The following GHR variants were observed in gnomAD, a reference collection of about 807,000 sequenced individuals.
The protein encoded by GHR is growth hormone receptor, also known as GH receptor.
In GHR, 35 loss-of-function variants were observed where a neutral mutation model predicts 67.1. The observed-to-expected ratio is 0.52, with a 90% CI of 0.40 to 0.69. The LOEUF (loss-of-function observed/expected upper bound fraction) is 0.69, where lower values mean the gene tolerates loss of function less well. Ranked by LOEUF, GHR falls within the 30% of genes least tolerant of loss-of-function variation. The pLI, the probability that GHR is intolerant of heterozygous loss-of-function variation, is 0.00. For missense variants in GHR, 792 were observed against 764.6 expected (o/e 1.04, Z -0.42); for synonymous variants, 272 against 269.1 (o/e 1.01, Z -0.10).
At chr5:42,474,233 G>A (rs1387903513) in intron 1 of GHR, among the ~76,000 whole-genome samples, 5 of 131,450 alleles carry the variant, frequency 3.8e-5, no homozygotes, top group African/African-American at 1.5e-4. Context: ...GAAAGAAAAA[G>A]AAAGAAAGAG....
At chr5:42,687,863 G>T (rs998218872) in intron 3 of GHR, among the ~76,000 whole-genome samples, 1 of 152,128 alleles carries the variant, frequency 6.6e-6, no homozygotes, top group South Asian at 2.1e-4. Flanking sequence ...AAAAAGAAGA[G>T]AAATTTGAAA....
At chr5:42,577,960 C>A (rs1048139115) in intron 2 of GHR, among the ~76,000 whole-genome samples, 28 of 152,132 alleles carry the variant, frequency 1.8e-4, no homozygotes, top group African/African-American at 6.8e-4. Flanking sequence ...ATACGATATA[C>A]TTAATCAGAA....
intron 3 of GHR, among the ~76,000 whole-genome samples, chr5:42,637,587 T>C (rs564876250): frequency 1.3e-4 from 20 of 152,288 alleles, no homozygotes; most frequent in African/African-American, 4.1e-4. Flanking sequence ...AATTCACTTA[T>C]GATGATGACT....
chr5:42,494,194 T>G (rs114634055), intron 1 of GHR, among the ~76,000 whole-genome samples: 2 of 152,116 alleles, frequency 1.3e-5, no homozygotes, highest in African/African-American at 4.8e-5. Flanking sequence ...AGCTCCAAGA[T>G]TGGATTTTTA....
chr5:42,465,753 G>A (rs1293423924), intron 1 of GHR: 16 of 904,684 alleles, frequency 1.8e-5, no homozygotes, highest in African/African-American at 4.9e-5. Context: ...CGTTTGCCAC[G>A]AGAATCAAAT....
chr5:42,527,562 A>G (rs1338569260), intron 1 of GHR, among the ~76,000 whole-genome samples: 2 of 152,236 alleles, frequency 1.3e-5, no homozygotes, highest in African/African-American at 4.8e-5. Flanking sequence ...TTCATAAGGC[A>G]AGGTCTTAGA....
chr5:42,635,315 C>T (rs774106413), intron 3 of GHR, among the ~76,000 whole-genome samples: 1 of 152,028 alleles, frequency 6.6e-6, no homozygotes, highest in Non-Finnish European at 1.5e-5. Context: ...AAGAGAAAGG[C>T]AGGTTAAATT....
At chr5:42,439,391 T>A (rs1241459399) in intron 1 of GHR, among the ~76,000 whole-genome samples, 1 of 152,272 alleles carries the variant, frequency 6.6e-6, no homozygotes, top group African/African-American at 2.4e-5. Flanking sequence ...TCTTCCCTAA[T>A]GATTTTACTC....
intron 3 of GHR, among the ~76,000 whole-genome samples, chr5:42,682,620 A>G (rs925998374): frequency 2.0e-5 from 3 of 152,174 alleles, no homozygotes; most frequent in African/African-American, 7.2e-5. Flanking sequence ...GATTAAGGAG[A>G]AACTAAACGG....
chr5:42,628,200 G>C (rs1480760082), intron 2 of GHR, among the ~76,000 whole-genome samples: 1 of 152,162 alleles, frequency 6.6e-6, no homozygotes, highest in African/African-American at 2.4e-5. Flanking sequence ...TGGAACCTCA[G>C]GTTCAGAGTT....
intron 1 of GHR, among the ~76,000 whole-genome samples, chr5:42,474,283 G>GAAAGAAAGAAAGAAAGAAAT (rs1561325353): frequency 3.4e-5 from 3 of 87,950 alleles, no homozygotes; most frequent in African/African-American, 1.4e-4. Flanking sequence ...AAGAAAGAAA[G>GAAAGAAAGAAAGAAAGAAAT]AAAAAGAGAA....
intron 1 of GHR, among the ~76,000 whole-genome samples, chr5:42,428,463 C>T (rs1742949409): frequency 6.6e-6 from 1 of 152,190 alleles, no homozygotes; most frequent in East Asian, 1.9e-4. Context: ...TCCCTATTGT[C>T]TTGGTGACCA....
chr5:42,602,392 G>A lies in GHR; in HGVS notation c.71-26646G>A, dbSNP rs186290079. Among the ~76,000 whole-genome samples the A allele has an allele frequency of 3.3e-5, 5 of 152,234 alleles. No individual in the cohort carries two copies. In the South Asian group the frequency reaches 6.2e-4, roughly 19 times the overall value. ...CTTTTTCCATCACTTACCTTTTACT[G>A]TATGTATGTACTCAGATCTAAACTG... On this transcript the variant is annotated intron_variant, in intron 2 of 9. Transcript: ENST00000230882.
chr5:42,680,313 G>T (rs927962654), intron 3 of GHR, among the ~76,000 whole-genome samples: 1 of 152,154 alleles, frequency 6.6e-6, no homozygotes, highest in Non-Finnish European at 1.5e-5. Context: ...CCAGATCAGG[G>T]TGACTGAGCA....
At chr5:42,595,519 C>T (rs1561153524) in intron 2 of GHR, among the ~76,000 whole-genome samples, 1 of 152,194 alleles carries the variant, frequency 6.6e-6, no homozygotes, top group Non-Finnish European at 1.5e-5. Flanking sequence ...TATCTTATTT[C>T]TCAGGTCTCA....
At chr5:42,537,436 C>T (rs1008189880) in intron 1 of GHR, among the ~76,000 whole-genome samples, 39 of 152,032 alleles carry the variant, frequency 2.6e-4, no homozygotes, top group African/African-American at 8.9e-4. Flanking sequence ...TCAGGAGTAA[C>T]TTATTTAGTT....
At chr5:42,598,804 A>G (rs1460770083) in intron 2 of GHR, among the ~76,000 whole-genome samples, 2 of 152,178 alleles carry the variant, frequency 1.3e-5, no homozygotes, top group Non-Finnish European at 2.9e-5. Context: ...CAAGAAATGT[A>G]TTTCTTTAAA....
intron 1 of GHR, among the ~76,000 whole-genome samples, chr5:42,546,437 G>A (rs1477715908): frequency 6.6e-6 from 1 of 152,180 alleles, no homozygotes; most frequent in African/African-American, 2.4e-5. Context: ...GGGAAGTGTA[G>A]GGGATGCTCA....
intron 6 of GHR, among the ~76,000 whole-genome samples, chr5:42,705,653 G>A (rs908056608): frequency 2.0e-5 from 3 of 152,084 alleles, no homozygotes; most frequent in African/African-American, 7.2e-5. Context: ...AGAATATGTG[G>A]TATTTGTTTT....
Sources: gnomAD v4.1 joint callset for allele counts (sites outside exome capture counted in the v4.1 genomes callset) on GRCh38, gnomAD v4.1.1 for gene constraint, MANE v1.5 for transcripts, NCBI Gene and HGNC (gene_info 2026-07-23, HGNC 2026-07-21) for gene names.